Variants in ZNF527 observed in about 807,000 individuals in gnomAD.
ZNF527 encodes the protein zinc finger protein 527.
A neutral mutation model predicts 13.5 loss-of-function variants in ZNF527; 5 were observed. The ratio of observed to expected loss-of-function variants is 0.37; its 90% CI spans 0.19 to 0.78. ZNF527 has a LOEUF of 0.78. Among genes scored for constraint, ZNF527 ranks in the 30% least tolerant of loss-of-function variants. The probability of loss-of-function intolerance (pLI) is 0.48; values close to 1 mark genes in which losing one functional copy is unlikely to be tolerated. For missense variants in ZNF527, 628 were observed against 726.4 expected (o/e 0.86, Z 1.56); for synonymous variants, 209 against 243.1 (o/e 0.86, Z 1.30).
At position 37,388,461 on chromosome 19, in the gene ZNF527, C is replaced by T. The variant is rs750227352; in HGVS notation, c.412C>T (p.Leu138=). The T allele has an allele frequency of 2.7e-5, 44 of 1,614,018 alleles. No individual in the cohort carries two copies. The highest frequency in any genetic ancestry group is 3.3e-5 in the Non-Finnish European group (39 of 1,180,032). The change falls in exon 5 of 5, where the codon CTA becomes TTA. Residue 138 remains leucine, a synonymous_variant. Coordinates refer to ENST00000436120, the MANE Select transcript of ZNF527 (RefSeq NM_032453.2). The stretch of plus-strand genomic sequence containing the variant: ...CTGGAAATATAAGGGTGAATTTGAG[C>T]TACATCAGGGAAATGCGGAGAGGCA... The part of the protein sequence containing the change: ...EAWKYKGEFE[L]HQGNAERHFM...
At chr19:37,378,034 C>CTT (rs111409931) in intron 2 of ZNF527, among the ~76,000 whole-genome samples, 16 of 143,862 alleles carry the variant, frequency 1.1e-4, no homozygotes, top group African/African-American at 3.3e-4. Context: ...TATTTCTTTT[C>CTT]TTTTTTTTTT....
chr19:37,388,776 G>A lies in ZNF527; in HGVS notation c.727G>A (p.Glu243Lys), dbSNP rs1361780665. The A allele has an allele frequency of 2.5e-6, 4 of 1,612,970 alleles. No homozygotes were observed. In the African/African-American group the frequency reaches 5.3e-5, roughly 22 times the overall value. The change falls in exon 5 of 5, where the codon GAG becomes AAG. Residue 243 changes from glutamate (E) to lysine (K), a missense_variant. Coordinates refer to ENST00000436120, the MANE Select transcript of ZNF527 (RefSeq NM_032453.2). ...LSKDIGIPPG[E>K]KPYESHDFSK... ...TAAAGATATAGGAATTCCTCCTGGG[G>A]AGAAACCTTATGAAAGTCATGATTT...
Position 37,380,355 on chromosome 19 carries a change from C to T in ZNF527, c.239C>T (p.Ser80Leu), listed in dbSNP as rs758751075. The part of the protein sequence containing the change: ...KEPWMVERKM[S>L]QGHCADWESW... The stretch of plus-strand genomic sequence containing the variant: ...CCGTGGATGGTGGAGAGAAAGATGT[C>T]ACAGGGTCACTGTGCAGGTGAGTGA... Residue 80 changes from serine (S) to leucine (L), a missense_variant, in exon 4 of 5, where the codon TCA becomes TTA. By Grantham distance (145) the Ser-to-Leu change is moderately radical. Around this residue, in one of 3 missense-constraint regions of ZNF527, gnomAD observed 592 missense variants for 678.0 expected, o/e 0.87. Coordinates refer to ENST00000436120, the MANE Select transcript of ZNF527 (RefSeq NM_032453.2). 9 of 1,613,872 alleles carry T rather than the reference C, an allele frequency of 5.6e-6. No homozygotes were observed.
intron 4 of ZNF527, among the ~76,000 whole-genome samples, chr19:37,384,428 G>C (rs924317147): frequency 1.3e-5 from 2 of 152,058 alleles, no homozygotes; most frequent in African/African-American, 4.8e-5. Flanking sequence ...AGCCTCGGAG[G>C]TCAAGGCTGC....
chr19:37,378,770 A>G (rs1020762353), intron 2 of ZNF527, among the ~76,000 whole-genome samples: 3 of 152,172 alleles, frequency 2.0e-5, no homozygotes, highest in African/African-American at 7.2e-5. Flanking sequence ...CCTTTCTCCT[A>G]TTCTGCCCCA....
chr19:37,385,828 C>A (rs1401841223), intron 4 of ZNF527, among the ~76,000 whole-genome samples: 1 of 152,106 alleles, frequency 6.6e-6, no homozygotes, highest in East Asian at 1.9e-4. Context: ...ACTTACATAG[C>A]AGTTGTAATC....
At chr19:37,378,558 A>G (rs182290771) in intron 2 of ZNF527, among the ~76,000 whole-genome samples, 3 of 152,352 alleles carry the variant, frequency 2.0e-5, no homozygotes, top group African/African-American at 4.8e-5. Context: ...CACTCAGCCT[A>G]CAGTTCAGTG....
intron 2 of ZNF527, among the ~76,000 whole-genome samples, chr19:37,375,314 T>TTTCTTTCTTTC (rs1568691551): frequency 3.4e-4 from 33 of 97,748 alleles, no homozygotes; most frequent in Admixed American, 1.5e-3. Flanking sequence ...TTCTTTCTTT[T>TTTCTTTCTTTC]CTTTCTTTCT....
At chr19:37,371,729 T>C (rs1204909995) in intron 1 of ZNF527, among the ~76,000 whole-genome samples, 1 of 152,166 alleles carries the variant, frequency 6.6e-6, no homozygotes, top group Non-Finnish European at 1.5e-5. Context: ...TGCTACTTTG[T>C]GTGTGATTGT....
chr19:37,374,387 T>A (rs991168524), intron 2 of ZNF527, among the ~76,000 whole-genome samples, 156 bp downstream of exon 2: 2 of 152,202 alleles, frequency 1.3e-5, no homozygotes, highest in African/African-American at 4.8e-5. Context: ...TTTAATATCT[T>A]TTTTAGTCAG....
chr19:37,373,597 G>A (rs1189145116), intron 1 of ZNF527, among the ~76,000 whole-genome samples: 1 of 152,174 alleles, frequency 6.6e-6, no homozygotes, highest in Non-Finnish European at 1.5e-5. Flanking sequence ...ATGTCCAGTG[G>A]TGATAAATGC....
intron 1 of ZNF527, among the ~76,000 whole-genome samples, chr19:37,372,090 C>T (rs1042060204): frequency 1.3e-5 from 2 of 151,680 alleles, no homozygotes; most frequent in Non-Finnish European, 2.9e-5. Context: ...ACCTCCGCCT[C>T]CCAGGTTCAA....
chr19:37,371,258 G>T (rs1600259644), intron 1 of ZNF527, 32 bp downstream of exon 1: 1 of 152,418 alleles, frequency 6.6e-6, no homozygotes. Context: ...GCGGGAGCGG[G>T]AAGTCAAGGG....
intron 4 of ZNF527, chr19:37,385,730 A>G (rs1206207506): frequency 6.1e-6 from 1 of 163,972 alleles, no homozygotes; most frequent in Non-Finnish European, 1.3e-5. Context: ...ACATGGGTTC[A>G]TTTAAATCTT....
chr19:37,392,315 A>C lies in ZNF527; in HGVS notation c.*2436A>C, dbSNP rs1161153066. ...AGAAAGTTTCAGAAGGTTACAGTAA[A>C]CTTTACCAAACTTGAAGAAGAATGA... On this transcript the variant is annotated 3_prime_UTR_variant, in exon 5 of 5. Coordinates refer to ENST00000436120, the MANE Select transcript of ZNF527 (RefSeq NM_032453.2). 1 of 152,188 alleles carries C rather than the reference A, an allele frequency of 6.6e-6. No homozygotes were observed. The highest frequency in any genetic ancestry group is 1.5e-5 in the Non-Finnish European group (1 of 68,036). 9.4% of individuals were successfully genotyped at this position (152,188 alleles called of 1,614,324 possible).
At position 37,390,549 on chromosome 19, in the gene ZNF527, C is replaced by G. The variant is rs1387241355; in HGVS notation, c.*670C>G. 3.3e-5 allele frequency: 5 copies of G among 152,170 alleles called. No homozygotes were observed. Among genetic ancestry groups the G allele is most frequent in the Non-Finnish European group, 5.9e-5 (4 of 68,036 alleles). 9.4% of individuals were successfully genotyped at this position (152,170 alleles called of 1,614,324 possible). The stretch of plus-strand genomic sequence containing the variant: ...CAGTAAGAGAGGTTTTATTCTGGAA[C>G]TGCAAGTTTCAAGGATTTAATAAGA... On this transcript the variant is annotated 3_prime_UTR_variant, in exon 5 of 5. Coordinates refer to ENST00000436120, the MANE Select transcript of ZNF527 (RefSeq NM_032453.2).
rs1438628947 is a variant in ZNF527, at chr19:37,389,396, G to T, written c.1347G>T (p.Lys449Asn). ...CCTTCAAATGTAGTGAATGTGGGAA[G>T]ACCTTTGGCTATCGCTCACACCTGA... is the stretch of plus-strand genomic sequence containing the variant. ...EKPFKCSECG[K>N]TFGYRSHLNQ... Residue 449 changes from lysine (K) to asparagine (N), a missense_variant, in exon 5 of 5, where the codon AAG becomes AAT. Coordinates refer to ENST00000436120, the MANE Select transcript of ZNF527 (RefSeq NM_032453.2). 3 of 1,614,178 alleles carry T rather than the reference G, an allele frequency of 1.9e-6. No homozygotes were observed. The highest frequency in any genetic ancestry group is 2.5e-6 in the Non-Finnish European group (3 of 1,180,038).
At chr19:37,382,147 A>G (rs976833093) in intron 4 of ZNF527, among the ~76,000 whole-genome samples, 23 of 152,122 alleles carry the variant, frequency 1.5e-4, no homozygotes, top group East Asian at 1.9e-4. Context: ...CCTTGAATCA[A>G]CCACTTCTCC....
chr19:37,389,805 G>T lies in ZNF527; in HGVS notation c.1756G>T (p.Glu586Ter), dbSNP rs370811841. 5 of 1,613,078 alleles carry T rather than the reference G, an allele frequency of 3.1e-6. No individual in the cohort carries two copies. The highest frequency in any genetic ancestry group is 4.2e-6 in the Non-Finnish European group (5 of 1,179,978). Residue 586 changes from glutamate (E) to a stop codon, truncating the protein, a stop_gained, in exon 5 of 5, where the codon GAA becomes TAA. Transcript: ENST00000436120. LOFTEE classifies it high-confidence loss of function. ...TGGAGAAAAACCTTATAAATGTAAC[G>T]AATGTGGGAATAATTTTAGCTGTGT... is the stretch of plus-strand genomic sequence containing the variant. ...HAGEKPYKCNECGNNFSCVSA... is the reference protein window; with the variant it reads ...HAGEKPYKCN
Sources: gnomAD v4.1 joint callset for allele counts (sites outside exome capture counted in the v4.1 genomes callset) on GRCh38, gnomAD v4.1.1 for gene constraint, gnomAD v4.1.1 regional missense constraint, MANE v1.5 for transcripts, NCBI Gene and HGNC (gene_info 2026-07-23, HGNC 2026-07-21) for gene names.